Variants in COL20A1 observed in about 807,000 individuals in gnomAD.
COL20A1 encodes collagen type XX alpha 1 chain.
COL20A1 carries 164 observed loss-of-function variants against 152.9 expected under a neutral mutation model. That is an observed-to-expected ratio of 1.07 (90% CI 0.94 to 1.22). The LOEUF (loss-of-function observed/expected upper bound fraction) is 1.22. COL20A1 is among the 50% of genes most tolerant of loss of function. The pLI is 0.00. For missense variants in COL20A1, 1,873 were observed against 1,744.8 expected (o/e 1.07, Z -1.31); for synonymous variants, 864 against 756.0 (o/e 1.14, Z -2.34).
chr20:63,309,124 T>A (rs2067969089), intron 8 of COL20A1, among the ~76,000 whole-genome samples: 2 of 152,088 alleles, frequency 1.3e-5, no homozygotes, highest in Admixed American at 1.3e-4. Flanking sequence ...AACCCCAGAT[T>A]TCGAGGCAGG....
intron 27 of COL20A1, among the ~76,000 whole-genome samples, chr20:63,323,673 T>C (rs1568787114): frequency 6.6e-6 from 1 of 152,156 alleles, no homozygotes. Context: ...CCCTGTGTAT[T>C]TTGGGGTTTT....
chr20:63,315,465 C>A, intron 20 of COL20A1, 26 bp downstream of exon 20: 1 of 1,555,128 alleles, frequency 6.4e-7, no homozygotes. Flanking sequence ...CCTCCCCTGC[C>A]TGCCCACCCA....
rs2067913256 is a variant in COL20A1, at chr20:63,305,523, C to T, written c.300C>T (p.Gly100=). The change falls in exon 4 of 36, where the codon GGC becomes GGT. Residue 100 remains glycine (G), a synonymous_variant. Coordinates refer to ENST00000358894, the MANE Select transcript of COL20A1 (RefSeq NM_020882.4). This position sits in a 1 kb window ranked among gnomAD's most constrained non-coding sequence, Gnocchi z 4.9. The stretch of plus-strand genomic sequence containing the variant: ...CCTTGCAGATCTTCGAGCTCACTGG[C>T]TCTGGGCGCTTCCTGCTAGCTCGGA... The part of the protein sequence containing the change: ...GYTLQIFELT[G]SGRFLLARRE... 1.9e-6 allele frequency: 3 copies of T among 1,606,414 alleles called. No homozygotes were observed. The highest frequency in any genetic ancestry group is 2.5e-6 in the Non-Finnish European group (3 of 1,177,120).
Position 63,313,380 on chromosome 20 carries a change from G to A in COL20A1, c.2209+131G>A. On this transcript the variant is annotated intron_variant, in intron 17 of 35. Coordinates refer to ENST00000358894, the MANE Select transcript of COL20A1 (RefSeq NM_020882.4). This position sits in a 1 kb window ranked among gnomAD's most constrained non-coding sequence, Gnocchi z 5.9. ...GCTGGCTCCAGAGCCCTGATCACTG[G>A]GCCTGGTCGTTGGAGTCTGCAGCAC... The A allele has an allele frequency of 9.6e-7, 1 of 1,046,674 alleles. No homozygotes were observed. Among genetic ancestry groups the A allele is most frequent in the Non-Finnish European group, 1.4e-6 (1 of 737,636 alleles). 64.8% of individuals were successfully genotyped at this position (1,046,674 alleles called of 1,614,324 possible).
Position 63,334,368 on chromosome 20 carries a change from C to G in COL20A1, c.*3652C>G, listed in dbSNP as rs190643173. 19 of 152,346 alleles carry G rather than the reference C, an allele frequency of 1.2e-4. No individual in the cohort carries two copies. Among genetic ancestry groups the G allele is most frequent in the Non-Finnish European group, 2.5e-4 (17 of 68,044 alleles). The allele number at this position is 152,346 out of a possible 1,614,324, so 9.4% of individuals were successfully genotyped here. On this transcript the variant is annotated 3_prime_UTR_variant, in exon 36 of 36. Coordinates refer to ENST00000358894, the MANE Select transcript of COL20A1 (RefSeq NM_020882.4). ...CGTCAGAATCTCTGTGCTGCAGCTGCAGTGGTACCTAGAGGGCAATTTATA... is the reference window on the plus strand; with the variant it reads ...CGTCAGAATCTCTGTGCTGCAGCTGGAGTGGTACCTAGAGGGCAATTTATA...
At chr20:63,304,774 C>T (rs2067902875) in intron 3 of COL20A1, among the ~76,000 whole-genome samples, 1 of 151,788 alleles carries the variant, frequency 6.6e-6, no homozygotes, top group South Asian at 2.1e-4. Flanking sequence ...GCCCTTTTCT[C>T]CCTTGCCTTA....
At chr20:63,325,998 G>A (rs1181100584) in intron 29 of COL20A1, 98 bp from the exon 30 acceptor site, 14 of 1,114,704 alleles carry the variant, frequency 1.3e-5, no homozygotes, top group Non-Finnish European at 1.9e-5. Context: ...TGCTGCTTGG[G>A]TTACAGGGTG....
At chr20:63,321,205 C>T (rs965183516) in intron 26 of COL20A1, 106 bp downstream of exon 26, 17 of 682,154 alleles carry the variant, frequency 2.5e-5, no homozygotes, top group African/African-American at 3.6e-5. Context: ...TCCATGCCCC[C>T]GTCCTGCCGC....
chr20:63,328,405 C>A lies in COL20A1; in HGVS notation c.3688C>A (p.Pro1230Thr), dbSNP rs563556302. ...GCCCATCTTGGAGCAGAAGCTGGAGCCGGGCACTGAGCCCCTGGGGTCCCC... is the reference window on the plus strand; with the variant it reads ...GCCCATCTTGGAGCAGAAGCTGGAGACGGGCACTGAGCCCCTGGGGTCCCC... The part of the protein sequence containing the change: ...PMPILEQKLE[P>T]GTEPLGSPGT... The change falls in exon 34 of 36, where the codon CCG (proline) becomes ACG (threonine). Residue 1230 changes from proline to threonine, a missense_variant. Transcript: ENST00000358894. 8.2e-5 allele frequency: 132 copies of A among 1,612,428 alleles called. No homozygotes were observed. The highest frequency in any genetic ancestry group is 6.6e-4 in the Middle Eastern group (4 of 6,082).
Position 63,313,993 on chromosome 20 carries a change from C to T in COL20A1, c.2359-79C>T, listed in dbSNP as rs1392204892. The T allele has an allele frequency of 5.0e-6, 8 of 1,603,246 alleles. No individual in the cohort carries two copies. The highest frequency in any genetic ancestry group is 2.2e-5 in the East Asian group (1 of 44,808). Reference sequence around the variant, plus strand: ...GGGTGGCAGCTCTGCCATGGCGGGACGCAGAGGGAGGCAGCTGAGCCGCGT... The same window carrying T: ...GGGTGGCAGCTCTGCCATGGCGGGATGCAGAGGGAGGCAGCTGAGCCGCGT... On this transcript the variant is annotated intron_variant, in intron 18 of 35. Coordinates refer to ENST00000358894, the MANE Select transcript of COL20A1 (RefSeq NM_020882.4). This position sits in a 1 kb window ranked among gnomAD's most constrained non-coding sequence, Gnocchi z 5.9.
At chr20:63,322,735 G>A (rs1023926367) in intron 27 of COL20A1, among the ~76,000 whole-genome samples, 1 of 152,242 alleles carries the variant, frequency 6.6e-6, no homozygotes, top group Non-Finnish European at 1.5e-5. Flanking sequence ...GCGTGACACA[G>A]ATGCCGAAGG....
intron 11 of COL20A1, among the ~76,000 whole-genome samples, chr20:63,310,792 C>G (rs1023387107): frequency 6.6e-6 from 1 of 152,156 alleles, no homozygotes; most frequent in Admixed American, 6.5e-5. Flanking sequence ...GAGCTCCCCC[C>G]TGCTTGGCCT....
At chr20:63,309,171 A>T (rs1393399239) in intron 8 of COL20A1, among the ~76,000 whole-genome samples, 162 bp from the exon 9 acceptor site, 2 of 151,844 alleles carry the variant, frequency 1.3e-5, no homozygotes, top group Admixed American at 6.6e-5. Flanking sequence ...GATGCCCCCA[A>T]CCCCTCGGGA....
Position 63,305,763 on chromosome 20 carries a change from C to G in COL20A1, c.338-118C>G. On this transcript the variant is annotated intron_variant, in intron 4 of 35. Coordinates refer to ENST00000358894, the MANE Select transcript of COL20A1 (RefSeq NM_020882.4). The surrounding 1 kb of genome is among the most constrained non-coding windows in gnomAD (Gnocchi z 4.9). Reference sequence around the variant, plus strand: ...TTGCCCCTGACATCTTTGCATGCCTCCCAGGCTCCTGGGCCCTCAGCACCC... The same window carrying G: ...TTGCCCCTGACATCTTTGCATGCCTGCCAGGCTCCTGGGCCCTCAGCACCC... The G allele has an allele frequency of 8.4e-7, 1 of 1,191,632 alleles. No homozygotes were observed. Among genetic ancestry groups the G allele is most frequent in the Non-Finnish European group, 1.2e-6 (1 of 841,614 alleles). The allele number at this position is 1,191,632 out of a possible 1,614,324, so 73.8% of individuals were successfully genotyped here.
At chr20:63,326,268 G>GGT in intron 30 of COL20A1, 119 bp downstream of exon 30, 1 of 794,400 alleles carries the variant, frequency 1.3e-6, no homozygotes, top group Non-Finnish European at 2.1e-6. Context: ...AAGTGCCTGG[G>GGT]AGGGCCTCAC....
chr20:63,316,311 T>TC, intron 20 of COL20A1, among the ~76,000 whole-genome samples: 1 of 151,108 alleles, frequency 6.6e-6, no homozygotes, highest in Admixed American at 6.6e-5. Context: ...GAGCGGCCCC[T>TC]CCCAGTGTGT....
chr20:63,318,753 A>C (rs1404912338), intron 21 of COL20A1, among the ~76,000 whole-genome samples: 1 of 151,954 alleles, frequency 6.6e-6, no homozygotes, highest in Non-Finnish European at 1.5e-5. Context: ...CTCCTCATTC[A>C]ATGGGAGGGA....
chr20:63,319,768 G>A lies in COL20A1; in HGVS notation c.2916+172G>A, dbSNP rs939359057. Among the ~76,000 whole-genome samples, 19 of 152,088 alleles carry A rather than the reference G, an allele frequency of 1.2e-4. No individual in the cohort carries two copies. Among genetic ancestry groups the A allele is most frequent in the African/African-American group, 4.3e-4 (18 of 41,416 alleles). ...TACCCCAGCTCTTCCATCTTAATTG[G>A]AGTTGAAGAGCCTCCCAGCCCATCT... On this transcript the variant is annotated intron_variant, in intron 23 of 35. Coordinates refer to ENST00000358894, the MANE Select transcript of COL20A1 (RefSeq NM_020882.4). This position sits in a 1 kb window ranked among gnomAD's most constrained non-coding sequence, Gnocchi z 4.4.
chr20:63,323,752 T>C (rs1345272738), intron 27 of COL20A1, among the ~76,000 whole-genome samples: 1 of 152,246 alleles, frequency 6.6e-6, no homozygotes, highest in African/African-American at 2.4e-5. Context: ...GCTTAAATTA[T>C]TACAGATTTC....
Sources: allele counts gnomAD v4.1 joint callset (sites outside exome capture counted in the v4.1 genomes callset), GRCh38; gene constraint gnomAD v4.1.1; non-coding constraint Gnocchi (gnomAD v3.1); transcripts MANE v1.5; gene names NCBI Gene and HGNC (gene_info 2026-07-23, HGNC 2026-07-21).